Variants in LPP observed in about 807,000 individuals in gnomAD.
LPP encodes LIM domain containing preferred translocation partner in lipoma.
LPP carries 38 observed loss-of-function variants against 60.4 expected under a neutral mutation model. The ratio of observed to expected loss-of-function variants is 0.63; its 90% CI spans 0.49 to 0.83. The LOEUF (loss-of-function observed/expected upper bound fraction) is 0.83. LPP is among the 40% of genes least tolerant of loss of function. The pLI is 0.00. For missense variants in LPP, 902 were observed against 783.6 expected, an observed-to-expected ratio of 1.15 and a Z score of -1.80; for synonymous variants, 328 against 290.8, an observed-to-expected ratio of 1.13 and a Z score of -1.30.
At chr3:188,264,839 CAT>C (rs1734919081) in intron 2 of LPP, among the ~76,000 whole-genome samples, 1 of 151,734 alleles carries the variant, frequency 6.6e-6, no homozygotes, top group South Asian at 2.1e-4. Context: ...CTTTTTATAA[CAT>C]ATGAATATTA....
intron 3 of LPP, among the ~76,000 whole-genome samples, chr3:188,377,525 C>T (rs906505861): frequency 4.6e-5 from 7 of 152,190 alleles, no homozygotes; most frequent in African/African-American, 1.4e-4. Context: ...GCATTCGTCA[C>T]GTAGCTCTTG....
At chr3:188,260,429 T>C (rs1005920499) in intron 2 of LPP, among the ~76,000 whole-genome samples, 1 of 152,016 alleles carries the variant, frequency 6.6e-6, no homozygotes, top group African/African-American at 2.4e-5. Context: ...GAGAAAGGAA[T>C]TTGCCTCTGT....
At chr3:188,528,752 A>T (rs1821358866) in intron 6 of LPP, among the ~76,000 whole-genome samples, 1 of 152,168 alleles carries the variant, frequency 6.6e-6, no homozygotes, top group South Asian at 2.1e-4. Flanking sequence ...GCGTGAGCAC[A>T]ACTGGACTTT....
At chr3:188,374,023 T>A (rs565293304) in intron 3 of LPP, among the ~76,000 whole-genome samples, 52 of 152,326 alleles carry the variant, frequency 3.4e-4, no homozygotes, top group African/African-American at 1.1e-3. Context: ...GTTGTAGATA[T>A]GCGGCATTAT....
chr3:188,344,905 C>G (rs946261033), intron 3 of LPP, among the ~76,000 whole-genome samples: 1 of 152,156 alleles, frequency 6.6e-6, no homozygotes, highest in Admixed American at 6.5e-5. Flanking sequence ...AAACTTCCCC[C>G]CTATTAAGAC....
chr3:188,782,358 A>G (rs1197928968), intron 9 of LPP, among the ~76,000 whole-genome samples: 1 of 152,180 alleles, frequency 6.6e-6, no homozygotes, highest in African/African-American at 2.4e-5. Context: ...AGAGATATCA[A>G]TTTGAACCCA....
At chr3:188,513,971 T>G (rs1473417969) in intron 5 of LPP, among the ~76,000 whole-genome samples, 1 of 152,194 alleles carries the variant, frequency 6.6e-6, no homozygotes, top group Non-Finnish European at 1.5e-5. Context: ...GAAAACGACC[T>G]GGAAGGTGCA....
intron 7 of LPP, among the ~76,000 whole-genome samples, chr3:188,704,556 T>A (rs1002185195): frequency 6.6e-6 from 1 of 152,180 alleles, no homozygotes; most frequent in African/African-American, 2.4e-5. Flanking sequence ...ACTCACCATC[T>A]CATTTCAGTC....
intron 1 of LPP, chr3:188,212,721 C>A (rs956785050): frequency 7.2e-6 from 1 of 139,360 alleles, no homozygotes; most frequent in Non-Finnish European, 1.5e-5. Context: ...CAGTTCTGTT[C>A]CCTTCAGGCT....
At chr3:188,224,040 G>T (rs1234083411) in intron 1 of LPP, among the ~76,000 whole-genome samples, 1 of 152,140 alleles carries the variant, frequency 6.6e-6, no homozygotes, top group Non-Finnish European at 1.5e-5. Context: ...CGTTGAAATA[G>T]GTGTTCGAGG....
At chr3:188,179,672 G>T in intron 1 of LPP, 2 of 364,806 alleles carry the variant, frequency 5.5e-6, no homozygotes, top group Non-Finnish European at 1.1e-5. Flanking sequence ...AAGCCTCTCT[G>T]CAGTCTCTTG....
intron 9 of LPP, among the ~76,000 whole-genome samples, chr3:188,768,808 G>GT (rs1734948197): frequency 6.6e-6 from 1 of 152,012 alleles, no homozygotes; most frequent in Non-Finnish European, 1.5e-5. Flanking sequence ...TTCTAAATTT[G>GT]TTTTTTATCA....
In LPP at chr3:188,829,783, G is replaced by T. The variant is rs116367286; in HGVS notation, c.1411-36417G>T. On this transcript the variant is annotated intron_variant, in intron 9 of 11. Transcript: ENST00000617246. ...CCCAGCTTGGCTACTTACTCACCAT[G>T]TGACCCTGAATAGTGCCTTGAAGCC... 5.5e-3 allele frequency among the ~76,000 whole-genome samples: 830 copies of T among 152,270 alleles called. 6 individuals carry two copies. Among genetic ancestry groups the T allele is most frequent in the Non-Finnish European group, 0.01 (686 of 68,020 alleles).
chr3:188,613,314 A>ACCTATATC (rs1553944283), intron 7 of LPP, among the ~76,000 whole-genome samples: 5 of 144,390 alleles, frequency 3.5e-5, no homozygotes, highest in Admixed American at 7.0e-5. Context: ...CTATATCTAT[A>ACCTATATC]TATATCGCTG....
intron 1 of LPP, among the ~76,000 whole-genome samples, chr3:188,211,833 T>A (rs565226564): frequency 3.6e-5 from 3 of 83,856 alleles, no homozygotes; most frequent in African/African-American, 2.6e-4. Flanking sequence ...TTCTTTTTCT[T>A]TTTTTTTTTT....
intron 7 of LPP, among the ~76,000 whole-genome samples, chr3:188,692,974 C>G (rs1402771408): frequency 6.6e-6 from 1 of 152,144 alleles, no homozygotes; most frequent in Non-Finnish European, 1.5e-5. Flanking sequence ...AAGAATAAAG[C>G]CAGTTATAAC....
At chr3:188,735,763 G>A (rs1722288118) in intron 8 of LPP, among the ~76,000 whole-genome samples, 1 of 152,192 alleles carries the variant, frequency 6.6e-6, no homozygotes, top group Admixed American at 6.6e-5. Flanking sequence ...GACATATGGA[G>A]TTTCAAACTA....
chr3:188,164,644 C>T (rs1467947996), intron 1 of LPP, among the ~76,000 whole-genome samples: 1 of 152,108 alleles, frequency 6.6e-6, no homozygotes, highest in African/African-American at 2.4e-5. Context: ...GTAAGTGACA[C>T]CTTTTCTTAG....
chr3:188,744,941 T>C (rs1725653683), intron 8 of LPP, among the ~76,000 whole-genome samples: 1 of 152,086 alleles, frequency 6.6e-6, no homozygotes, highest in East Asian at 1.9e-4. Flanking sequence ...ACAACTTCAT[T>C]CCTTTCTCTG....
Sources: allele counts gnomAD v4.1 joint callset (sites outside exome capture counted in the v4.1 genomes callset), GRCh38; gene constraint gnomAD v4.1.1; transcripts MANE v1.5; gene names NCBI Gene and HGNC (gene_info 2026-07-23, HGNC 2026-07-21).